Variants in PTPRN2 observed in about 807,000 individuals in gnomAD.
PTPRN2 encodes protein tyrosine phosphatase receptor type N2.
PTPRN2 carries 74 observed loss-of-function variants against 118.8 expected under a neutral mutation model. The observed-to-expected ratio is 0.62, with a 90% CI of 0.52 to 0.76. The LOEUF is 0.76. PTPRN2 is among the 30% of genes least tolerant of loss of function. The pLI, the probability that PTPRN2 is intolerant of heterozygous loss-of-function variation, is 0.00. For missense variants in PTPRN2, 1,481 were observed against 1,394.4 expected (o/e 1.06, Z -0.99); for synonymous variants, 641 against 608.0 (o/e 1.05, Z -0.80).
At chr7:158,447,124 T>C (rs1817777698) in intron 2 of PTPRN2, among the ~76,000 whole-genome samples, 1 of 152,150 alleles carries the variant, frequency 6.6e-6, no homozygotes, top group Non-Finnish European at 1.5e-5. Flanking sequence ...TCTGAAACAC[T>C]GAAACATTCC....
chr7:158,111,160 A>G (rs1239363301), intron 9 of PTPRN2, among the ~76,000 whole-genome samples: 1 of 152,204 alleles, frequency 6.6e-6, no homozygotes, highest in Non-Finnish European at 1.5e-5. Context: ...GGCTCCTCTC[A>G]GCCTTCAGTG....
intron 2 of PTPRN2, among the ~76,000 whole-genome samples, chr7:158,352,349 T>TCCGCTCCCCTCCTGA (rs1808066704): frequency 1.0e-5 from 1 of 96,826 alleles, no homozygotes; most frequent in African/African-American, 3.5e-5. Context: ...TCCCCTCCTG[T>TCCGCTCCCCTCCTGA]CCGCTCCCCT....
intron 4 of PTPRN2, among the ~76,000 whole-genome samples, chr7:158,193,885 A>G (rs902070200): frequency 1.2e-4 from 18 of 145,228 alleles, no homozygotes; most frequent in Admixed American, 3.5e-4. Context: ...CCACCTCCAC[A>G]TTCCAGCAAG....
intron 11 of PTPRN2, among the ~76,000 whole-genome samples, chr7:158,041,112 G>T (rs1283440577): frequency 6.6e-6 from 1 of 152,144 alleles, no homozygotes; most frequent in African/African-American, 2.4e-5. Flanking sequence ...ATCTAAACAA[G>T]ACACAGCAGA....
chr7:158,125,139 C>T (rs1044599888), intron 9 of PTPRN2, among the ~76,000 whole-genome samples: 1 of 152,116 alleles, frequency 6.6e-6, no homozygotes, highest in African/African-American at 2.4e-5. Context: ...ACCATGGCCA[C>T]CCCCCTGCCT....
chr7:157,943,384 C>T (rs1585060039), intron 11 of PTPRN2, among the ~76,000 whole-genome samples: 1 of 152,178 alleles, frequency 6.6e-6, no homozygotes, highest in East Asian at 1.9e-4. Flanking sequence ...ACAAAGGCTA[C>T]ACCCTTTAAA....
At chr7:158,493,052 A>T (rs1563355446) in intron 1 of PTPRN2, among the ~76,000 whole-genome samples, 1 of 152,218 alleles carries the variant, frequency 6.6e-6, no homozygotes, top group Non-Finnish European at 1.5e-5. Flanking sequence ...CTTCACTTCA[A>T]TGTATTATCC....
chr7:158,549,473 G>A (rs561895573), intron 1 of PTPRN2, among the ~76,000 whole-genome samples: 9 of 152,352 alleles, frequency 5.9e-5, no homozygotes, highest in East Asian at 1.9e-4. Flanking sequence ...CATTGGATCC[G>A]CGAAGGGCAA....
intron 11 of PTPRN2, among the ~76,000 whole-genome samples, chr7:158,048,948 A>G (rs1254369716): frequency 7.6e-6 from 1 of 131,018 alleles, no homozygotes; most frequent in Non-Finnish European, 1.6e-5. Flanking sequence ...CATCATCACT[A>G]TGGTCCCATC....
At position 157,780,675 on chromosome 7, in the gene PTPRN2, G is replaced by T. The variant is rs897151756; in HGVS notation, c.1789-97738C>A. 2.6e-5 allele frequency among the ~76,000 whole-genome samples: 4 copies of T among 152,184 alleles called. 1 individual carries two copies. The highest frequency in any genetic ancestry group is 7.2e-5 in the African/African-American group (3 of 41,446). The stretch of plus-strand genomic sequence containing the variant: ...TGCACAATGGGGCTTCACCCATTTC[G>T]CAGGGTGGTCACGGGTATTCCCTAT... On this transcript the variant is annotated intron_variant, in intron 12 of 22. Coordinates refer to ENST00000389418, the MANE Select transcript of PTPRN2 (RefSeq NM_002847.5). This position sits in a 1 kb window ranked among gnomAD's most constrained non-coding sequence, Gnocchi z 4.5.
At chr7:157,620,894 G>A (rs1291035167) in intron 15 of PTPRN2, among the ~76,000 whole-genome samples, 1 of 151,100 alleles carries the variant, frequency 6.6e-6, no homozygotes, top group Non-Finnish European at 1.5e-5. Flanking sequence ...CCTCCCCGGG[G>A]ACTGGTACAC....
intron 3 of PTPRN2, among the ~76,000 whole-genome samples, chr7:158,311,610 C>T (rs567581699): frequency 1.3e-5 from 2 of 152,330 alleles, no homozygotes; most frequent in South Asian, 2.1e-4. Flanking sequence ...AAATTAACTC[C>T]CATTTACCCT....
At chr7:157,810,747 C>A (rs1041439093) in intron 12 of PTPRN2, among the ~76,000 whole-genome samples, 1 of 134,890 alleles carries the variant, frequency 7.4e-6, no homozygotes, top group East Asian at 2.3e-4. Context: ...TGGCTCTCCA[C>A]GGGGACGGCG....
At chr7:158,193,036 T>C (rs1341309464) in intron 4 of PTPRN2, among the ~76,000 whole-genome samples, 1 of 152,214 alleles carries the variant, frequency 6.6e-6, no homozygotes, top group Non-Finnish European at 1.5e-5. Context: ...GGGACGTCCA[T>C]GCAGTGCTCT....
intron 2 of PTPRN2, among the ~76,000 whole-genome samples, chr7:158,445,410 A>G (rs960336411): frequency 2.0e-5 from 3 of 152,168 alleles, no homozygotes; most frequent in African/African-American, 7.2e-5. Context: ...TCTACACTGC[A>G]CAGCAGCCTC....
intron 2 of PTPRN2, among the ~76,000 whole-genome samples, chr7:158,486,315 A>C (rs185079994): frequency 6.6e-6 from 1 of 152,362 alleles, no homozygotes; most frequent in African/African-American, 2.4e-5. Context: ...TTTAATCTTC[A>C]TAGATTTGTT....
At chr7:158,459,606 G>T (rs974396065) in intron 2 of PTPRN2, among the ~76,000 whole-genome samples, 6 of 152,156 alleles carry the variant, frequency 3.9e-5, no homozygotes, top group Non-Finnish European at 7.4e-5. Context: ...TCGGAGAAAG[G>T]CCACAGCCTG....
At position 158,587,623 on chromosome 7, in the gene PTPRN2, GGCAGCAGCAGCAGTAGCA is replaced by G; in HGVS notation, c.29_46del (p.Leu10_Leu15del). On this transcript the variant is annotated inframe_deletion, in exon 1 of 23. Coordinates refer to ENST00000389418, the MANE Select transcript of PTPRN2 (RefSeq NM_002847.5). ...AGGGGCGGCAGGCAGGACGCGTGGCGGCAGCAGCAGCAGTAGCAGCAGCAGCAGCGGGAGCGGCGGCCC... is the reference window on the plus strand; with the variant it reads ...AGGGGCGGCAGGCAGGACGCGTGGCGGCAGCAGCAGCGGGAGCGGCGGCCC... 7.4e-7 allele frequency: 1 copy of G among 1,360,394 alleles called. No individual in the cohort carries two copies. The highest frequency in any genetic ancestry group is 9.4e-7 in the Non-Finnish European group (1 of 1,062,514). 84.3% of individuals were successfully genotyped at this position (1,360,394 alleles called of 1,614,324 possible).
chr7:158,461,082 C>T (rs968732140), intron 2 of PTPRN2, among the ~76,000 whole-genome samples: 1 of 152,160 alleles, frequency 6.6e-6, no homozygotes, highest in African/African-American at 2.4e-5. Flanking sequence ...GGATTCTGCC[C>T]GACAGTCATG....
Sources: gnomAD v4.1 joint callset for allele counts (sites outside exome capture counted in the v4.1 genomes callset) on GRCh38, gnomAD v4.1.1 for gene constraint, Gnocchi (gnomAD v3.1) non-coding constraint, MANE v1.5 for transcripts, NCBI Gene and HGNC (gene_info 2026-07-23, HGNC 2026-07-21) for gene names.